Variants in TTLL11 observed in about 807,000 individuals in gnomAD.
The protein encoded by TTLL11 is tubulin polyglutamylase TTLL11.
A neutral mutation model predicts 51.7 loss-of-function variants in TTLL11; 42 were observed. The ratio of observed to expected loss-of-function variants is 0.81; its 90% confidence interval spans 0.64 to 1.05. The LOEUF (loss-of-function observed/expected upper bound fraction) is 1.05, where lower values mean the gene tolerates loss of function less well. TTLL11 is among the 50% of genes least tolerant of loss of function. TTLL11 has a pLI of 0.00. For synonymous variants in TTLL11, 381 were observed against 383.5 expected (o/e 0.99, Z 0.08); for missense variants, 799 against 940.4 (o/e 0.85, Z 1.97).
intron 6 of TTLL11, among the ~76,000 whole-genome samples, chr9:121,926,697 T>C (rs1479184800): frequency 6.6e-6 from 1 of 152,178 alleles, no homozygotes; most frequent in Admixed American, 6.5e-5. Flanking sequence ...GAGTGGTTCT[T>C]CCTCCTCGAG....
At chr9:122,015,676 C>T (rs187257542) in intron 3 of TTLL11, among the ~76,000 whole-genome samples, 125 of 152,130 alleles carry the variant, frequency 8.2e-4, no homozygotes, top group African/African-American at 2.8e-3. Context: ...GCGCTCCCAC[C>T]GGACGGCATC....
At chr9:121,991,343 GT>G (rs1843106175) in intron 3 of TTLL11, among the ~76,000 whole-genome samples, 1 of 152,192 alleles carries the variant, frequency 6.6e-6, no homozygotes, top group Non-Finnish European at 1.5e-5. Flanking sequence ...CACATCAATT[GT>G]TTCCCCTTGT....
At chr9:121,826,553 G>GTGTATATATATATATATATATA (rs1554756738) in intron 8 of TTLL11, among the ~76,000 whole-genome samples, 3 of 45,224 alleles carry the variant, frequency 6.6e-5, no homozygotes, top group Admixed American at 1.9e-4. Flanking sequence ...ATATATATGT[G>GTGTATATATATATATATATATA]TGTGTATATA....
At chr9:122,039,165 G>T in intron 2 of TTLL11, 107 bp downstream of exon 2, 1 of 899,044 alleles carries the variant, frequency 1.1e-6, no homozygotes, top group Non-Finnish European at 1.7e-6. Flanking sequence ...TCCCAATTAA[G>T]AGTCCTCAAA....
intron 8 of TTLL11, among the ~76,000 whole-genome samples, chr9:121,831,373 G>T (rs1837002303): frequency 6.6e-6 from 1 of 152,182 alleles, no homozygotes; most frequent in South Asian, 2.1e-4. Flanking sequence ...ATCTCTTGAA[G>T]GGCTCTATCG....
intron 1 of TTLL11, among the ~76,000 whole-genome samples, chr9:122,067,936 T>C (rs1394720752): frequency 6.6e-6 from 1 of 152,272 alleles, no homozygotes. Flanking sequence ...TACCTTAGTT[T>C]TGAAGAGAAT....
At chr9:121,843,591 C>A (rs1837426139) in intron 8 of TTLL11, among the ~76,000 whole-genome samples, 1 of 152,116 alleles carries the variant, frequency 6.6e-6, no homozygotes. Context: ...GGGGAGGTAA[C>A]CATTTTGGAA....
At chr9:121,942,500 C>G (rs914624571) in intron 6 of TTLL11, among the ~76,000 whole-genome samples, 6 of 152,066 alleles carry the variant, frequency 3.9e-5, no homozygotes, top group African/African-American at 7.3e-5. Context: ...CTACTGTAAC[C>G]CTGTAACCCC....
chr9:122,019,776 G>A (rs907217884), intron 3 of TTLL11, among the ~76,000 whole-genome samples: 1 of 152,144 alleles, frequency 6.6e-6, no homozygotes, highest in Non-Finnish European at 1.5e-5. Context: ...ATCTTGAATT[G>A]TAGCTCCTAT....
chr9:122,020,586 G>A (rs1385059762), intron 3 of TTLL11, among the ~76,000 whole-genome samples: 1 of 152,226 alleles, frequency 6.6e-6, no homozygotes, highest in African/African-American at 2.4e-5. Flanking sequence ...TTTTAAATTA[G>A]GTAATTGTTA....
chr9:122,078,059 T>C (rs972709472), intron 1 of TTLL11, among the ~76,000 whole-genome samples: 2 of 152,094 alleles, frequency 1.3e-5, no homozygotes, highest in Non-Finnish European at 2.9e-5. Flanking sequence ...AAATACTGCA[T>C]AATAAAACTC....
chr9:121,987,853 C>G (rs1037099087), intron 4 of TTLL11, among the ~76,000 whole-genome samples: 5 of 152,168 alleles, frequency 3.3e-5, no homozygotes, highest in African/African-American at 1.2e-4. Context: ...CTTTGGTCAC[C>G]ATTTGCTGAT....
At chr9:121,974,264 A>C (rs1419102858) in intron 5 of TTLL11, 140 bp from the exon 6 acceptor site, 1 of 518,972 alleles carries the variant, frequency 1.9e-6, no homozygotes, top group Non-Finnish European at 3.4e-6. Context: ...CTTCCTTTAT[A>C]CTACCTTAAG....
intron 3 of TTLL11, among the ~76,000 whole-genome samples, chr9:122,016,587 A>C (rs756298742): frequency 1.3e-5 from 2 of 152,234 alleles, no homozygotes; most frequent in Non-Finnish European, 2.9e-5. Flanking sequence ...TCCTAAACCC[A>C]GCGGAGGACG....
chr9:121,892,828 C>A (rs1232149695), intron 6 of TTLL11, among the ~76,000 whole-genome samples: 1 of 152,148 alleles, frequency 6.6e-6, no homozygotes, highest in African/African-American at 2.4e-5. Context: ...TGTTGCTGGA[C>A]TGTTTTGAGT....
chr9:121,975,444 G>A (rs1353549718), intron 4 of TTLL11, among the ~76,000 whole-genome samples: 1 of 152,166 alleles, frequency 6.6e-6, no homozygotes, highest in Non-Finnish European at 1.5e-5. Flanking sequence ...GGGCTTGGTG[G>A]CTCATTCCTG....
chr9:121,919,019 G>T (rs1840433708), intron 6 of TTLL11, among the ~76,000 whole-genome samples: 1 of 152,226 alleles, frequency 6.6e-6, no homozygotes, highest in Non-Finnish European at 1.5e-5. Flanking sequence ...TCTATTTCTT[G>T]TCCTTGATTG....
intron 3 of TTLL11, among the ~76,000 whole-genome samples, chr9:122,030,202 TGG>T (rs35688566): frequency 0.1 from 8,237 of 78,478 alleles, 609 homozygotes; most frequent in African/African-American, 0.21. Flanking sequence ...AGAGAGACAT[TGG>T]GGGGGGGGGG....
chr9:121,834,714 C>A (rs896408068), intron 8 of TTLL11, among the ~76,000 whole-genome samples: 13 of 152,102 alleles, frequency 8.5e-5, no homozygotes, highest in Admixed American at 7.2e-4. Context: ...GTAATCCTAG[C>A]TACTCAGGAG....
Sources: allele counts gnomAD v4.1 joint callset (sites outside exome capture counted in the v4.1 genomes callset), GRCh38; gene constraint gnomAD v4.1.1; transcripts MANE v1.5; gene names NCBI Gene and HGNC (gene_info 2026-07-23, HGNC 2026-07-21).